AGAP1: variants seen among roughly 807,000 people sequenced by gnomAD.
The protein encoded by AGAP1 is arf-GAP with GTPase, ANK repeat and PH domain-containing protein 1.
Under a neutral mutation model 105.3 loss-of-function variants are expected in AGAP1, and 29 were observed. The observed-to-expected ratio is 0.28, with a 90% CI of 0.21 to 0.38. AGAP1 has a LOEUF of 0.38. Among genes scored for constraint, AGAP1 ranks in the 10% least tolerant of loss-of-function variants. The pLI is 1.00. For synonymous variants in AGAP1, 509 were observed against 485.9 expected (o/e 1.05, Z -0.63); for missense variants, 998 against 1,165.1 (o/e 0.86, Z 2.09).
At chr2:236,072,125 GTTTTTTTTTTTTT>G (rs11342740) in intron 16 of AGAP1, among the ~76,000 whole-genome samples, 2 of 111,962 alleles carry the variant, frequency 1.8e-5, no homozygotes, top group East Asian at 5.4e-4. Flanking sequence ...TTCGTTGTGG[GTTTTTTTTTTTTT>G]TTTTTTTTTT....
rs1002918267 is a variant in AGAP1 at position 235,714,366 on chromosome 2, G to A, written c.223-3191G>A. ...TTGGCTGGGAGTGTGGGGGTAGGAC[G>A]GGGAAGCACAAACATTCCTACCATA... On this transcript the variant is annotated intron_variant, in intron 2 of 17. Transcript: ENST00000304032. This position sits in a 1 kb window ranked among gnomAD's most constrained non-coding sequence, Gnocchi z 4.1. Among the ~76,000 whole-genome samples, 1 of 151,946 alleles carries A rather than the reference G, an allele frequency of 6.6e-6. No homozygotes were observed. Among genetic ancestry groups the A allele is most frequent in the African/African-American group, 2.4e-5 (1 of 41,362 alleles).
chr2:235,704,897 G>A (rs1017759518), intron 1 of AGAP1, among the ~76,000 whole-genome samples: 2 of 151,720 alleles, frequency 1.3e-5, no homozygotes, highest in African/African-American at 2.4e-5. Context: ...CGGCGAGCCC[G>A]GCACCTGTCT....
In AGAP1 at chr2:235,905,780, T is replaced by A. The variant is rs770862719; in HGVS notation, c.1156-2958T>A. The stretch of plus-strand genomic sequence containing the variant: ...TCCCAGAGTGCTGGGATTACAGGCG[T>A]GAGCCACCGCGCCCCGCCTGATGTG... On this transcript the variant is annotated intron_variant, in intron 10 of 17. Coordinates refer to ENST00000304032, the MANE Select transcript of AGAP1 (RefSeq NM_001037131.3). The surrounding 1 kb of genome is among the most constrained non-coding windows in gnomAD (Gnocchi z 4.2). Among the ~76,000 whole-genome samples, 2 of 152,228 alleles carry A rather than the reference T, an allele frequency of 1.3e-5. No homozygotes were observed. The highest frequency in any genetic ancestry group is 2.4e-5 in the African/African-American group (1 of 41,466).
At position 235,788,849 on chromosome 2, in the gene AGAP1, G is replaced by A. The variant is rs1013385417; in HGVS notation, c.674-8910G>A. Among the ~76,000 whole-genome samples, 7 of 152,140 alleles carry A rather than the reference G, an allele frequency of 4.6e-5. No individual in the cohort carries two copies. The highest frequency in any genetic ancestry group is 2.6e-4 in the Admixed American group (4 of 15,274). On this transcript the variant is annotated intron_variant, in intron 6 of 17. Transcript: ENST00000304032. The surrounding 1 kb of genome is among the most constrained non-coding windows in gnomAD (Gnocchi z 6.0). ...GCCACACCACGTTAGGGTGCTTTTC[G>A]GCATCTCTCAGTGGGGTGAACGTTT...
rs1559179680 is a variant in AGAP1, at chr2:236,001,514, C to T, written c.1645+32891C>T. Among the ~76,000 whole-genome samples the T allele has an allele frequency of 3.3e-5, 5 of 152,212 alleles. No homozygotes were observed. The highest frequency in any genetic ancestry group is 2.0e-4 in the Admixed American group (3 of 15,304). On this transcript the variant is annotated intron_variant, in intron 13 of 17. Coordinates refer to ENST00000304032, the MANE Select transcript of AGAP1 (RefSeq NM_001037131.3). This position sits in a 1 kb window ranked among gnomAD's most constrained non-coding sequence, Gnocchi z 4.7. ...CTGAAGTAGGCAGTGGTGACAGTGG[C>T]TTCCCCAGGCATCAGCGCCACAGGA...
chr2:235,923,626 T>C (rs897132126), intron 11 of AGAP1, among the ~76,000 whole-genome samples: 4 of 151,878 alleles, frequency 2.6e-5, no homozygotes, highest in African/African-American at 9.7e-5. Flanking sequence ...CGTGCTTGTC[T>C]CCGGCTCTGT....
chr2:235,649,117 G>C (rs1947494448), intron 1 of AGAP1, among the ~76,000 whole-genome samples: 1 of 152,176 alleles, frequency 6.6e-6, no homozygotes, highest in African/African-American at 2.4e-5. Context: ...CATTGGAATT[G>C]AGTTGCATTG....
chr2:235,542,852 G>GC (rs901032924), intron 1 of AGAP1, among the ~76,000 whole-genome samples: 1 of 152,160 alleles, frequency 6.6e-6, no homozygotes, highest in Non-Finnish European at 1.5e-5. Context: ...TCAGACCGAG[G>GC]CCCCTCCTGT....
In AGAP1 at chr2:235,988,236, C is replaced by CTT. The variant is rs2125440971; in HGVS notation, c.1645+19614_1645+19615dup. On this transcript the variant is annotated intron_variant, in intron 13 of 17. Coordinates refer to ENST00000304032, the MANE Select transcript of AGAP1 (RefSeq NM_001037131.3). This position sits in a 1 kb window ranked among gnomAD's most constrained non-coding sequence, Gnocchi z 4.7. The stretch of plus-strand genomic sequence containing the variant: ...TTTTGTGTTTTTAGTAGAGACAGGG[C>CTT]TTCACCCTGTTGGCCAGGCTGGTCT... Among the ~76,000 whole-genome samples the CTT allele has an allele frequency of 6.6e-6, 1 of 152,196 alleles. No homozygotes were observed. Among genetic ancestry groups the CTT allele is most frequent in the South Asian group, 2.1e-4 (1 of 4,818 alleles).
chr2:235,929,637 G>A (rs1003853537), intron 11 of AGAP1, among the ~76,000 whole-genome samples: 2 of 152,244 alleles, frequency 1.3e-5, no homozygotes, highest in Non-Finnish European at 2.9e-5. Flanking sequence ...GCACGGGATC[G>A]CAGTGAGGCC....
chr2:235,876,819 C>G (rs187326447), intron 9 of AGAP1, among the ~76,000 whole-genome samples: 110 of 150,792 alleles, frequency 7.3e-4, no homozygotes, highest in Non-Finnish European at 5.2e-4. Flanking sequence ...CTAGACCAGT[C>G]TTTCCCACAT....
rs140080945 is a variant in AGAP1, at chr2:236,009,387, T to TG, written c.1646-27169dup. Among the ~76,000 whole-genome samples, 3,247 of 152,242 alleles carry TG rather than the reference T, an allele frequency of 0.021. 123 individuals are homozygous for TG. The highest frequency in any genetic ancestry group is 0.074 in the African/African-American group (3,081 of 41,532). ...ATCCGCTCACACCTGCCGAGGTTCC[T>TG]GGGGGATGATCTTTGTGTAAAGGAT... On this transcript the variant is annotated intron_variant, in intron 13 of 17. Coordinates refer to ENST00000304032, the MANE Select transcript of AGAP1 (RefSeq NM_001037131.3). The surrounding 1 kb of genome is among the most constrained non-coding windows in gnomAD (Gnocchi z 4.2).
chr2:235,907,826 AT>A (rs568975758), intron 10 of AGAP1, among the ~76,000 whole-genome samples: 69 of 152,018 alleles, frequency 4.5e-4, no homozygotes, highest in African/African-American at 1.3e-3. Context: ...TCTTATTTGT[AT>A]TTTTTTTAAT....
intron 1 of AGAP1, among the ~76,000 whole-genome samples, chr2:235,703,243 C>T (rs1199995120): frequency 1.3e-5 from 2 of 151,940 alleles, no homozygotes; most frequent in Non-Finnish European, 2.9e-5. Context: ...CACGGTTTTC[C>T]ATCCCTGGTG....
At chr2:236,085,429 G>A (rs560625559) in intron 16 of AGAP1, among the ~76,000 whole-genome samples, 6 of 152,054 alleles carry the variant, frequency 3.9e-5, no homozygotes, top group Non-Finnish European at 8.8e-5. Flanking sequence ...GGCTAGTTTT[G>A]TTCTTGCTCA....
intron 6 of AGAP1, among the ~76,000 whole-genome samples, chr2:235,763,230 C>T (rs1461539744): frequency 2.6e-5 from 4 of 151,828 alleles, no homozygotes; most frequent in Admixed American, 6.6e-5. Context: ...AGACATGGCA[C>T]ACAAGTGCTC....
intron 13 of AGAP1, among the ~76,000 whole-genome samples, chr2:236,019,568 C>T (rs1018604542): frequency 6.6e-6 from 1 of 152,216 alleles, no homozygotes; most frequent in African/African-American, 2.4e-5. Flanking sequence ...GGGAGAAGGG[C>T]AGGCATCAGC....
intron 12 of AGAP1, among the ~76,000 whole-genome samples, chr2:235,938,367 C>T (rs2053090845): frequency 6.6e-6 from 1 of 152,188 alleles, no homozygotes. Context: ...TCCTGCCCAC[C>T]CGACCGCCTC....
intron 13 of AGAP1, among the ~76,000 whole-genome samples, chr2:236,013,378 A>G (rs544999333): frequency 3.5e-4 from 54 of 152,276 alleles, no homozygotes; most frequent in African/African-American, 1.3e-3. Flanking sequence ...CGCCGAACCT[A>G]CAACCACAGC....
Sources: allele counts gnomAD v4.1 joint callset (sites outside exome capture counted in the v4.1 genomes callset), GRCh38; gene constraint gnomAD v4.1.1; non-coding constraint Gnocchi (gnomAD v3.1); transcripts MANE v1.5; gene names NCBI Gene and HGNC (gene_info 2026-07-23, HGNC 2026-07-21).